The following MYZAP variants were observed in gnomAD, a reference collection of about 807,000 sequenced individuals.
MYZAP encodes GRINL1A complex locus upstream.
Under a neutral mutation model 69.4 loss-of-function variants are expected in MYZAP, and 66 were observed. The observed-to-expected ratio is 0.95, with a 90% CI of 0.78 to 1.17. MYZAP has a LOEUF of 1.17. Ranked by LOEUF, MYZAP falls within the 50% of genes most tolerant of loss-of-function variation. The pLI, the probability that MYZAP is intolerant of heterozygous loss-of-function variation, is 0.00. For synonymous variants in MYZAP, 256 were observed against 205.9 expected (o/e 1.24, Z -2.09); for missense variants, 611 against 556.2 (o/e 1.10, Z -0.99).
At chr15:57,656,642 G>A (rs2038023900) in intron 10 of MYZAP, among the ~76,000 whole-genome samples, 1 of 152,186 alleles carries the variant, frequency 6.6e-6, no homozygotes, top group Admixed American at 6.5e-5. Flanking sequence ...CTTCGGGGCA[G>A]ACCACTGGGG....
chr15:57,673,109 A>G (rs2038946508), intron 11 of MYZAP, among the ~76,000 whole-genome samples: 1 of 152,060 alleles, frequency 6.6e-6, no homozygotes, highest in Admixed American at 6.5e-5. Context: ...TACATTTTTT[A>G]TTTCTGTTTC....
At position 57,629,692 on chromosome 15, in the gene MYZAP, A is replaced by G; in HGVS notation, c.526-10A>G. ...CGGATCTGGTTTTGTTTTTATTTTC[A>G]TCCTCACAGAAAACCCTCGTGGATG... On this transcript the variant is annotated splice_polypyrimidine_tract_variant and intron_variant, in intron 5 of 12. Transcript: ENST00000267853. 6.2e-7 allele frequency: 1 copy of G among 1,604,326 alleles called. No homozygotes were observed. The highest frequency in any genetic ancestry group is 8.5e-7 in the Non-Finnish European group (1 of 1,177,034).
intron 1 of MYZAP, among the ~76,000 whole-genome samples, chr15:57,595,907 C>G (rs1213036990): frequency 6.6e-6 from 1 of 152,166 alleles, no homozygotes; most frequent in African/African-American, 2.4e-5. Context: ...GTGTCCCTCT[C>G]CCATGTCCCA....
intron 10 of MYZAP, chr15:57,647,663 A>G (rs958836491): frequency 1.8e-5 from 18 of 985,308 alleles, no homozygotes; most frequent in Non-Finnish European, 2.2e-5. Context: ...TGGAGCAGAT[A>G]GTGAGTGAGG....
At chr15:57,595,402 A>AT (rs1227371205) in intron 1 of MYZAP, among the ~76,000 whole-genome samples, 1 of 152,178 alleles carries the variant, frequency 6.6e-6, no homozygotes, top group Non-Finnish European at 1.5e-5. Flanking sequence ...ACCTTGGGGA[A>AT]TGGGGGGAAA....
At position 57,684,589 on chromosome 15, in the gene MYZAP, C is replaced by T; in HGVS notation, c.*91C>T. 2 of 801,864 alleles carry T rather than the reference C, an allele frequency of 2.5e-6. No individual in the cohort carries two copies. Among genetic ancestry groups the T allele is most frequent in the Non-Finnish European group, 4.2e-6 (2 of 481,600 alleles). 49.7% of individuals were successfully genotyped at this position (801,864 alleles called of 1,614,324 possible). The stretch of plus-strand genomic sequence containing the variant: ...TTGGGAAGGGTGACTGTTGTTTCCC[C>T]TACACACAGTGTAAGCCGGAATGGG... On this transcript the variant is annotated 3_prime_UTR_variant, in exon 13 of 13. Coordinates refer to ENST00000267853, the MANE Select transcript of MYZAP (RefSeq NM_001018100.5).
At chr15:57,660,870 C>A (rs556837990) in intron 10 of MYZAP, among the ~76,000 whole-genome samples, 2 of 152,224 alleles carry the variant, frequency 1.3e-5, no homozygotes, top group African/African-American at 2.4e-5. Flanking sequence ...TTTTAGGAAG[C>A]CTTTCTTGCT....
intron 11 of MYZAP, among the ~76,000 whole-genome samples, chr15:57,673,449 C>T (rs934661160): frequency 1.8e-4 from 26 of 143,616 alleles, no homozygotes; most frequent in African/African-American, 6.3e-4. Context: ...TGCACGTGTG[C>T]GCATGCGTGC....
chr15:57,607,362 G>A (rs1050498655), intron 2 of MYZAP, among the ~76,000 whole-genome samples: 2 of 152,138 alleles, frequency 1.3e-5, no homozygotes, highest in Non-Finnish European at 2.9e-5. Flanking sequence ...AAGGAGCCTC[G>A]TGTGTTTAGC....
At chr15:57,677,690 T>C (rs900016636) in intron 12 of MYZAP, among the ~76,000 whole-genome samples, 11 of 152,228 alleles carry the variant, frequency 7.2e-5, no homozygotes, top group African/African-American at 2.7e-4. Flanking sequence ...TTTTGTTCTT[T>C]GTCCCTATTC....
intron 2 of MYZAP, among the ~76,000 whole-genome samples, chr15:57,609,398 C>T (rs1022086630): frequency 5.4e-4 from 82 of 152,270 alleles, no homozygotes; most frequent in African/African-American, 1.8e-3. Context: ...TTTTCTTTGC[C>T]GCTTCCAGCT....
chr15:57,616,945 T>C (rs2035504205), intron 2 of MYZAP, among the ~76,000 whole-genome samples: 1 of 149,476 alleles, frequency 6.7e-6, no homozygotes, highest in Admixed American at 6.7e-5. Flanking sequence ...GCTGTGGGAT[T>C]GTCGAGGTAC....
Position 57,603,312 on chromosome 15 carries a change from T to C in MYZAP, c.76-957T>C, listed in dbSNP as rs555211397. Among the ~76,000 whole-genome samples, 278 of 71,464 alleles carry C rather than the reference T, an allele frequency of 3.9e-3. 3 individuals are homozygous for C. Among genetic ancestry groups the C allele is most frequent in the African/African-American group, 0.011 (267 of 23,682 alleles). 46.9% of individuals were successfully genotyped at this position (71,464 alleles called of 152,430 possible). A position where few individuals can be genotyped will look rare whatever the true frequency, so the allele number is the denominator to read the frequency against. On this transcript the variant is annotated intron_variant, in intron 1 of 12. Coordinates refer to ENST00000267853, the MANE Select transcript of MYZAP (RefSeq NM_001018100.5). ...TCTGTATCCAACAAGCAGGGACAGC[T>C]TTTTTTTTTAAATTGTAGCAATGTA...
intron 2 of MYZAP, among the ~76,000 whole-genome samples, chr15:57,611,292 C>A (rs113198088): frequency 1.7e-3 from 266 of 152,254 alleles, no homozygotes; most frequent in African/African-American, 6.1e-3. Context: ...AGGTCTGTGA[C>A]GGGCCATGTT....
chr15:57,606,717 T>C (rs573183795), intron 2 of MYZAP, among the ~76,000 whole-genome samples: 75 of 137,530 alleles, frequency 5.5e-4, no homozygotes, highest in Middle Eastern at 7.6e-3. Context: ...ACCCTAAAAC[T>C]TAAAGTATAA....
At chr15:57,682,455 C>A (rs1318937660) in intron 12 of MYZAP, among the ~76,000 whole-genome samples, 1 of 152,152 alleles carries the variant, frequency 6.6e-6, no homozygotes, top group Admixed American at 6.5e-5. Flanking sequence ...ATCTCCCCGC[C>A]ACTTCCCATC....
intron 11 of MYZAP, among the ~76,000 whole-genome samples, chr15:57,668,787 C>T (rs1013316056): frequency 6.6e-6 from 1 of 151,422 alleles, no homozygotes; most frequent in Non-Finnish European, 1.5e-5. Context: ...ATTCTGGATT[C>T]GAGTCCTTTG....
At chr15:57,677,706 C>T (rs2140648236) in intron 12 of MYZAP, among the ~76,000 whole-genome samples, 1 of 152,308 alleles carries the variant, frequency 6.6e-6, no homozygotes, top group Non-Finnish European at 1.5e-5. Context: ...TATTCTTCTC[C>T]TACAAGGAAT....
At chr15:57,621,205 C>CTTTTTTTTTTTTTTTTTTTTTT (rs61201214) in intron 3 of MYZAP, among the ~76,000 whole-genome samples, 1 of 127,314 alleles carries the variant, frequency 7.9e-6, no homozygotes, top group Non-Finnish European at 1.6e-5. Flanking sequence ...CTTTCTTTTT[C>CTTTTTTTTTTTTTTTTTTTTTT]TTTTTTTTTT....
Sources: allele counts gnomAD v4.1 joint callset (sites outside exome capture counted in the v4.1 genomes callset), GRCh38; gene constraint gnomAD v4.1.1; transcripts MANE v1.5; gene names NCBI Gene and HGNC (gene_info 2026-07-23, HGNC 2026-07-21).